Variants in ADGRB1 observed in about 807,000 individuals in gnomAD.
The protein encoded by ADGRB1 is brain-specific angiogenesis inhibitor 1.
In ADGRB1, 36 loss-of-function variants were observed where a neutral mutation model predicts 175.7. The ratio of observed to expected loss-of-function variants is 0.20; its 90% CI spans 0.16 to 0.27. ADGRB1 has a LOEUF of 0.27. Among genes scored for constraint, ADGRB1 ranks in the 10% least tolerant of loss-of-function variants. The pLI is 1.00. For missense variants in ADGRB1, 1,731 were observed against 2,255.3 expected (o/e 0.77, Z 4.71); for synonymous variants, 1,054 against 979.4 (o/e 1.08, Z -1.42).
In ADGRB1 at chr8:142,543,704, G is replaced by A. The variant is rs1343613428; in HGVS notation, c.4553G>A (p.Ser1518Asn). ...GACAAGGAGGTGCTGGGGCCGGACA[G>A]CAAGGTCTGGAGGGCAGGGAGGGGC... ...EKDKEVLGPD[S>N]KPEKQQTPNK... The change falls in exon 30 of 31, where the codon AGC becomes AAC. Residue 1518 changes from serine to asparagine, a missense_variant. Transcript: ENST00000517894. This position sits in a 1 kb window ranked among gnomAD's most constrained non-coding sequence, Gnocchi z 4.4. 1 of 723,558 alleles carries A rather than the reference G, an allele frequency of 1.4e-6. No individual in the cohort carries two copies. Among genetic ancestry groups the A allele is most frequent in the Non-Finnish European group, 2.2e-6 (1 of 454,234 alleles). 44.8% of individuals were successfully genotyped at this position (723,558 alleles called of 1,614,324 possible). A position where few individuals can be genotyped will look rare whatever the true frequency, so the allele number is the denominator to read the frequency against.
intron 24 of ADGRB1, among the ~76,000 whole-genome samples, chr8:142,529,652 G>A (rs1174528643): frequency 2.0e-5 from 3 of 150,516 alleles, no homozygotes; most frequent in Non-Finnish European, 4.5e-5. Context: ...CTGTATATGC[G>A]TGTGTGAGTG....
intron 1 of ADGRB1, among the ~76,000 whole-genome samples, chr8:142,462,070 C>T (rs889837708): frequency 6.6e-6 from 1 of 152,016 alleles, no homozygotes; most frequent in Non-Finnish European, 1.5e-5. Flanking sequence ...CCCAGCCAAG[C>T]GTGTCTGGGG....
intron 17 of ADGRB1, among the ~76,000 whole-genome samples, chr8:142,495,751 G>A (rs1219894882): frequency 6.6e-6 from 1 of 152,098 alleles, no homozygotes; most frequent in African/African-American, 2.4e-5. Flanking sequence ...GCCAAACCCA[G>A]TGTGGTATCA....
At chr8:142,518,815 A>G (rs979324752) in intron 19 of ADGRB1, among the ~76,000 whole-genome samples, 1 of 152,156 alleles carries the variant, frequency 6.6e-6, no homozygotes, top group African/African-American at 2.4e-5. Context: ...TGTCCCATTG[A>G]GTAGAAGTGT....
chr8:142,476,508 C>A, intron 3 of ADGRB1, 77 bp from the exon 4 acceptor site: 1 of 1,369,184 alleles, frequency 7.3e-7, no homozygotes, highest in Non-Finnish European at 1.0e-6. Flanking sequence ...TGCTGCCGAA[C>A]TCAGAGCACT....
intron 2 of ADGRB1, among the ~76,000 whole-genome samples, chr8:142,466,595 C>T (rs1200526070): frequency 3.9e-5 from 6 of 152,182 alleles, no homozygotes; most frequent in Admixed American, 6.5e-5. Context: ...GTGCCGCCAG[C>T]GGCTGGGTGG....
At chr8:142,517,621 T>C (rs1843520757) in intron 18 of ADGRB1, among the ~76,000 whole-genome samples, 1 of 151,720 alleles carries the variant, frequency 6.6e-6, no homozygotes, top group Non-Finnish European at 1.5e-5. Flanking sequence ...AGGAAGCTGG[T>C]CGGGATGTGT....
intron 1 of ADGRB1, 68 bp downstream of exon 1, chr8:142,450,172 C>T (rs1341335472): frequency 5.9e-5 from 1 of 16,846 alleles, no homozygotes. Flanking sequence ...GGGAGGGGGT[C>T]GGGGGAGGGG....
At position 142,533,375 on chromosome 8, in the gene ADGRB1, G is replaced by A. The variant is rs754439825; in HGVS notation, c.3479G>A (p.Arg1160His). 16 of 1,608,752 alleles carry A rather than the reference G, an allele frequency of 9.9e-6. No individual in the cohort carries two copies. Among genetic ancestry groups the A allele is most frequent in the East Asian group, 2.2e-5 (1 of 44,776 alleles). The change falls in exon 25 of 31, where the codon CGC becomes CAC. Residue 1160 changes from arginine to histidine, a missense_variant. Physicochemically the swap from Arg to His is conservative, Grantham distance 29 (BLOSUM62 0). Around this residue, in one of 8 missense-constraint regions of ADGRB1, gnomAD observed 301 missense variants for 488.4 expected, o/e 0.62. Coordinates refer to ENST00000517894, the MANE Select transcript of ADGRB1 (RefSeq NM_001702.3). ...TCGGCTGTGCTCGCCGTCACCGACC[G>A]CCGCTCCGCCCTCTTCCAGATCCTC... is the stretch of plus-strand genomic sequence containing the variant. ...WMSAVLAVTD[R>H]RSALFQILFA...
chr8:142,526,436 G>A (rs1444234617), intron 23 of ADGRB1, 106 bp from the exon 24 acceptor site: 2 of 1,015,672 alleles, frequency 2.0e-6, no homozygotes, highest in African/African-American at 1.6e-5. Context: ...ACCCTGGGTG[G>A]GGTAGGGGGT....
intron 17 of ADGRB1, among the ~76,000 whole-genome samples, chr8:142,491,702 C>T (rs1025611127): frequency 1.3e-5 from 2 of 152,222 alleles, no homozygotes; most frequent in African/African-American, 2.4e-5. Context: ...GCCCCAGTCC[C>T]TCCTGGCTGC....
intron 13 of ADGRB1, among the ~76,000 whole-genome samples, chr8:142,487,383 T>G (rs1471157972): frequency 6.6e-6 from 1 of 152,162 alleles, no homozygotes; most frequent in Admixed American, 6.5e-5. Context: ...TGATGGTCCC[T>G]CCTGCCCCTC....
chr8:142,491,396 T>C (rs2131888572), intron 17 of ADGRB1, among the ~76,000 whole-genome samples: 1 of 152,266 alleles, frequency 6.6e-6, no homozygotes, highest in Middle Eastern at 3.4e-3. Flanking sequence ...GCAGTCAGGC[T>C]GTGGGGTGCC....
In ADGRB1 at chr8:142,464,793, G is replaced by T. The variant is rs754207417; in HGVS notation, c.595G>T (p.Gly199Cys). 6.5e-7 allele frequency: 1 copy of T among 1,535,060 alleles called. No homozygotes were observed. The highest frequency in any genetic ancestry group is 8.7e-7 in the Non-Finnish European group (1 of 1,145,676). Residue 199 changes from glycine (G) to cysteine (C), a missense_variant, in exon 2 of 31, where the codon GGT (glycine) becomes TGT (cysteine). Gly to Cys is a radical substitution (Grantham distance 159). This residue lies in a region of ADGRB1 where 383 missense variants were observed against 383.1 expected (regional missense o/e 1.00). Transcript: ENST00000517894. ...LCRWLDACLA[G>C]SRSSHPCGIM... ...CCGCTGGCTGGACGCGTGTCTGGCC[G>T]GTAGTCGCAGCTCGCACCCCTGCGG...
chr8:142,450,968 G>A (rs537627957), intron 1 of ADGRB1, among the ~76,000 whole-genome samples: 161 of 152,272 alleles, frequency 1.1e-3, no homozygotes, highest in Non-Finnish European at 2.1e-3. Context: ...CGCGTCGCCG[G>A]TGAGCAGAGG....
At chr8:142,514,760 A>G (rs1267718476) in intron 18 of ADGRB1, among the ~76,000 whole-genome samples, 1 of 152,134 alleles carries the variant, frequency 6.6e-6, no homozygotes, top group African/African-American at 2.4e-5. Flanking sequence ...ATCAAGGCTC[A>G]GAATATACTT....
intron 2 of ADGRB1, among the ~76,000 whole-genome samples, chr8:142,472,845 G>A (rs1038187042): frequency 6.6e-6 from 1 of 152,012 alleles, no homozygotes; most frequent in Non-Finnish European, 1.5e-5. Flanking sequence ...CTAGAATCGA[G>A]ACTCAGTATG....
At chr8:142,514,919 TG>T (rs1307824673) in intron 18 of ADGRB1, among the ~76,000 whole-genome samples, 1 of 152,054 alleles carries the variant, frequency 6.6e-6, no homozygotes, top group Non-Finnish European at 1.5e-5. Context: ...TGTGGGCATT[TG>T]GGAGCCATAG....
At chr8:142,518,438 C>T (rs1843577880) in intron 19 of ADGRB1, among the ~76,000 whole-genome samples, 197 bp downstream of exon 19, 1 of 152,028 alleles carries the variant, frequency 6.6e-6, no homozygotes, top group Non-Finnish European at 1.5e-5. Flanking sequence ...GGCCACCCCA[C>T]ACACTCATAA....
Sources: allele counts gnomAD v4.1 joint callset (sites outside exome capture counted in the v4.1 genomes callset), GRCh38; gene constraint gnomAD v4.1.1; regional missense constraint gnomAD v4.1.1; non-coding constraint Gnocchi (gnomAD v3.1); transcripts MANE v1.5; gene names NCBI Gene and HGNC (gene_info 2026-07-23, HGNC 2026-07-21).